ITPKB: variants seen among roughly 807,000 people sequenced by gnomAD.
ITPKB encodes the protein inositol-trisphosphate 3-kinase B.
A neutral mutation model predicts 69.4 loss-of-function variants in ITPKB; 13 were observed. The observed-to-expected ratio is 0.19, with a 90% confidence interval of 0.12 to 0.30. The LOEUF (loss-of-function observed/expected upper bound fraction) is 0.30. ITPKB is among the 10% of genes least tolerant of loss of function. The pLI, the probability that ITPKB is intolerant of heterozygous loss-of-function variation, is 1.00. For synonymous variants in ITPKB, 584 were observed against 513.7 expected (o/e 1.14, Z -1.85); for missense variants, 1,240 against 1,250.5 (o/e 0.99, Z 0.13).
intron 2 of ITPKB, among the ~76,000 whole-genome samples, chr1:226,718,783 C>T (rs1437244389): frequency 2.0e-5 from 3 of 152,164 alleles, no homozygotes; most frequent in Non-Finnish European, 4.4e-5. Context: ...AATGGTGAAG[C>T]CACTCTGGAG....
chr1:226,710,837 T>A (rs1656929854), intron 2 of ITPKB, among the ~76,000 whole-genome samples: 1 of 152,152 alleles, frequency 6.6e-6, no homozygotes, highest in Admixed American at 6.5e-5. Context: ...GAAGAGTCAG[T>A]AGTTGCCAGG....
At chr1:226,737,713 G>T (rs1044700930) in intron 1 of ITPKB, 50 bp from the exon 2 acceptor site, 9 of 515,238 alleles carry the variant, frequency 1.7e-5, no homozygotes, top group South Asian at 8.7e-5. Context: ...CGCGCGGGGG[G>T]AGTTGGGGGT....
intron 5 of ITPKB, among the ~76,000 whole-genome samples, chr1:226,640,095 G>A (rs1187497225): frequency 1.3e-5 from 2 of 152,222 alleles, no homozygotes; most frequent in African/African-American, 2.4e-5. Context: ...CCTCAGCACA[G>A]GGAGGAGAGA....
At chr1:226,737,728 T>C in intron 1 of ITPKB, 65 bp from the exon 2 acceptor site, 1 of 351,122 alleles carries the variant, frequency 2.8e-6, no homozygotes, top group Non-Finnish European at 4.2e-6. Context: ...GGGGGTCGCC[T>C]GCAGAACCCA....
chr1:226,711,668 C>A lies in ITPKB; in HGVS notation c.1932+23859G>T, dbSNP rs549155931. Among the ~76,000 whole-genome samples the A allele has an allele frequency of 1.6e-4, 24 of 152,284 alleles. No homozygotes were observed. The South Asian group carries it at 4.8e-3, about 30-fold the overall frequency. ...AAACCTCCCAACCTGGACCTCCCATCATTTGTCCTGGCGATGACGAGTGCT... is the reference window on the plus strand; with the variant it reads ...AAACCTCCCAACCTGGACCTCCCATAATTTGTCCTGGCGATGACGAGTGCT... On this transcript the variant is annotated intron_variant, in intron 2 of 7. Transcript: ENST00000429204.
Position 226,736,480 on chromosome 1 carries a change from A to G in ITPKB, c.979T>C (p.Ser327Pro), listed in dbSNP as rs967186920. The change falls in exon 2 of 8, where the codon TCT becomes CCT. Residue 327 changes from serine to proline, a missense_variant. Around this residue, in one of 2 missense-constraint regions of ITPKB, gnomAD observed 992 missense variants for 853.8 expected, o/e 1.16. Coordinates refer to ENST00000429204, the MANE Select transcript of ITPKB (RefSeq NM_002221.4). ...RPQDLALTEP[S>P]GRARELEDLQ... is the part of the protein sequence containing the mutation. ...TCCTCAAGCTCACGGGCTCTCCCAG[A>G]CGGCTCAGTGAGGGCAAGATCCTGT... 4 of 1,613,866 alleles carry G rather than the reference A, an allele frequency of 2.5e-6. No individual in the cohort carries two copies. The Admixed American group carries it at 5.0e-5, about 20-fold the overall frequency.
At chr1:226,715,662 T>A (rs1339274063) in intron 2 of ITPKB, among the ~76,000 whole-genome samples, 1 of 152,242 alleles carries the variant, frequency 6.6e-6, no homozygotes, top group Non-Finnish European at 1.5e-5. Context: ...CAAGAGGTTT[T>A]TGTATAGCAA....
At chr1:226,720,411 C>T (rs565344711) in intron 2 of ITPKB, among the ~76,000 whole-genome samples, 11 of 152,280 alleles carry the variant, frequency 7.2e-5, no homozygotes, top group South Asian at 2.1e-4. Context: ...GTTCTCCAGG[C>T]GACAGCTGAT....
chr1:226,676,634 C>T (rs1159164319), intron 2 of ITPKB, among the ~76,000 whole-genome samples: 1 of 152,236 alleles, frequency 6.6e-6, no homozygotes, highest in Non-Finnish European at 1.5e-5. Flanking sequence ...CCACAAAACA[C>T]CGTCCAAGTG....
At chr1:226,678,950 G>T (rs1056217293) in intron 2 of ITPKB, among the ~76,000 whole-genome samples, 18 of 152,236 alleles carry the variant, frequency 1.2e-4, no homozygotes, top group African/African-American at 4.3e-4. Flanking sequence ...TCTGCGGAGG[G>T]CTACTGATGA....
chr1:226,664,148 G>A (rs1337272790), intron 2 of ITPKB, among the ~76,000 whole-genome samples: 1 of 152,220 alleles, frequency 6.6e-6, no homozygotes, highest in African/African-American at 2.4e-5. Context: ...CCTTCCTACT[G>A]AGTTAGAGGA....
chr1:226,655,309 G>C (rs1169579917), intron 2 of ITPKB, among the ~76,000 whole-genome samples: 1 of 152,256 alleles, frequency 6.6e-6, no homozygotes, highest in Non-Finnish European at 1.5e-5. Context: ...ACTTCACCAA[G>C]CTCGGGGCCC....
rs761687211 is a variant in ITPKB, at chr1:226,736,292, C to T, written c.1167G>A (p.Val389=). Residue 389 remains valine (V), a synonymous_variant, in exon 2 of 8, where the codon GTG becomes GTA. Coordinates refer to ENST00000429204, the MANE Select transcript of ITPKB (RefSeq NM_002221.4). ...CAGTCGTCTCCTCTGGCCTTTTGCC[C>T]ACTTCAGGCTCCCCAGAGCCCGGCA... The part of the protein sequence containing the change: ...CGMPGSGEPE[V]GKRPEETTVS... 2 of 1,603,490 alleles carry T rather than the reference C, an allele frequency of 1.2e-6. No individual in the cohort carries two copies. Among genetic ancestry groups the T allele is most frequent in the Non-Finnish European group, 1.7e-6 (2 of 1,176,060 alleles).
intron 2 of ITPKB, among the ~76,000 whole-genome samples, chr1:226,711,570 G>A (rs1002859713): frequency 1.3e-5 from 2 of 152,164 alleles, no homozygotes. Context: ...GGGATCGTCC[G>A]ACCGAAAATG....
At position 226,637,823 on chromosome 1, in the gene ITPKB, T is replaced by G. The variant is rs538173811; in HGVS notation, c.2554-73A>C. Reference sequence around the variant, plus strand: ...GCAGTGTCAGAACACCCATGCGGCCTCTAGTGGTCCCTCCCGTGAATGTGC... The same window carrying G: ...GCAGTGTCAGAACACCCATGCGGCCGCTAGTGGTCCCTCCCGTGAATGTGC... On this transcript the variant is annotated intron_variant, in intron 6 of 7. Coordinates refer to ENST00000429204, the MANE Select transcript of ITPKB (RefSeq NM_002221.4). The surrounding 1 kb of genome is among the most constrained non-coding windows in gnomAD (Gnocchi z 4.3). The G allele has an allele frequency of 3.0e-5, 33 of 1,117,430 alleles. No individual in the cohort carries two copies. The highest frequency in any genetic ancestry group is 2.2e-4 in the Middle Eastern group (1 of 4,456). 69.2% of individuals were successfully genotyped at this position (1,117,430 alleles called of 1,614,324 possible). A position where few individuals can be genotyped will look rare whatever the true frequency, so the allele number is the denominator to read the frequency against.
chr1:226,692,597 G>A (rs1656384085), intron 2 of ITPKB, among the ~76,000 whole-genome samples: 1 of 152,164 alleles, frequency 6.6e-6, no homozygotes, highest in African/African-American at 2.4e-5. Flanking sequence ...GGGCTCCAAA[G>A]CCTCTGTCTT....
rs748547381 is a variant in ITPKB, at chr1:226,647,289, C to T, written c.2124G>A (p.Leu708=). The change falls in exon 4 of 8, where the codon CTG becomes CTA. Residue 708 remains leucine (L), a synonymous_variant. Coordinates refer to ENST00000429204, the MANE Select transcript of ITPKB (RefSeq NM_002221.4). ...RCLDRLMVDV[L]RPFVPAYHGD... The stretch of plus-strand genomic sequence containing the variant: ...CATGGTAGGCAGGTACGAAGGGCCT[C>T]AGCACATCCACCATCAGCCGGTCCA... The T allele has an allele frequency of 2.5e-6, 4 of 1,614,194 alleles. No homozygotes were observed. The highest frequency in any genetic ancestry group is 3.4e-6 in the Non-Finnish European group (4 of 1,180,010).
chr1:226,703,803 A>G (rs2102632474), intron 2 of ITPKB, among the ~76,000 whole-genome samples: 1 of 152,310 alleles, frequency 6.6e-6, no homozygotes, highest in South Asian at 2.1e-4. Flanking sequence ...CCGGCTTGGG[A>G]GAAAGGATGT....
intron 2 of ITPKB, among the ~76,000 whole-genome samples, chr1:226,687,233 G>A (rs1383143261): frequency 1.3e-5 from 2 of 152,234 alleles, no homozygotes; most frequent in Non-Finnish European, 2.9e-5. Flanking sequence ...CAGAAATAGT[G>A]CAGAATGCTG....
Sources: gnomAD v4.1 joint callset for allele counts (sites outside exome capture counted in the v4.1 genomes callset) on GRCh38, gnomAD v4.1.1 for gene constraint, gnomAD v4.1.1 regional missense constraint, Gnocchi (gnomAD v3.1) non-coding constraint, MANE v1.5 for transcripts, NCBI Gene and HGNC (gene_info 2026-07-23, HGNC 2026-07-21) for gene names.